EPHA5: variants seen among roughly 807,000 people sequenced by gnomAD.
EPHA5 encodes EPH receptor A5, also known as ephrin type-A receptor 5.
Under a neutral mutation model 105.0 loss-of-function variants are expected in EPHA5, and 60 were observed. That is an observed-to-expected ratio of 0.57 (90% CI 0.46 to 0.71). The LOEUF (loss-of-function observed/expected upper bound fraction) is 0.71, where lower values mean the gene tolerates loss of function less well. Ranked by LOEUF, EPHA5 falls within the 30% of genes least tolerant of loss-of-function variation. The pLI is 0.00. For synonymous variants in EPHA5, 513 were observed against 449.1 expected (o/e 1.14, Z -1.80); for missense variants, 1,218 against 1,274.7 (o/e 0.96, Z 0.68).
At chr4:65,626,035 A>G (rs1273201299) in intron 2 of EPHA5, among the ~76,000 whole-genome samples, 1 of 149,704 alleles carries the variant, frequency 6.7e-6, no homozygotes, top group Non-Finnish European at 1.5e-5. Context: ...CGGGAGGCGG[A>G]GCTTGCAGTG....
At chr4:65,327,529 T>C (rs1035173940) in intron 16 of EPHA5, among the ~76,000 whole-genome samples, 1 of 151,294 alleles carries the variant, frequency 6.6e-6, no homozygotes, top group Non-Finnish European at 1.5e-5. Context: ...GTTGTTTTTC[T>C]TTAAATCTGA....
chr4:65,490,014 T>G (rs1182251793), intron 5 of EPHA5, among the ~76,000 whole-genome samples: 1 of 152,170 alleles, frequency 6.6e-6, no homozygotes, highest in Non-Finnish European at 1.5e-5. Flanking sequence ...GCTAAATTAA[T>G]GAGTTTTTAA....
chr4:65,452,494 A>G (rs1442914701), intron 5 of EPHA5, among the ~76,000 whole-genome samples: 1 of 152,040 alleles, frequency 6.6e-6, no homozygotes, highest in Non-Finnish European at 1.5e-5. Context: ...AAGGACAGAG[A>G]AGGGTAGTTA....
intron 14 of EPHA5, among the ~76,000 whole-genome samples, chr4:65,346,574 G>A (rs1722245699): frequency 6.6e-6 from 1 of 151,674 alleles, no homozygotes; most frequent in African/African-American, 2.4e-5. Flanking sequence ...TAAGTTCTAG[G>A]ACTTCATGAC....
chr4:65,348,237 A>C (rs200264870), intron 13 of EPHA5, 34 bp from the exon 14 acceptor site: 1 of 1,587,186 alleles, frequency 6.3e-7, no homozygotes, highest in Non-Finnish European at 8.6e-7. Flanking sequence ...AACTTCCTAC[A>C]TACTTCAAAT....
intron 13 of EPHA5, among the ~76,000 whole-genome samples, chr4:65,348,758 T>C (rs1722504973): frequency 7.5e-6 from 1 of 133,070 alleles, no homozygotes; most frequent in South Asian, 2.4e-4. Flanking sequence ...CATATATATA[T>C]GTGTATATAT....
chr4:65,455,358 A>G (rs1203394692), intron 5 of EPHA5, among the ~76,000 whole-genome samples: 3 of 152,234 alleles, frequency 2.0e-5, no homozygotes, highest in Admixed American at 6.5e-5. Context: ...TCAATTTACT[A>G]GAGTGCACAC....
intron 3 of EPHA5, among the ~76,000 whole-genome samples, chr4:65,544,301 G>A (rs879935011): frequency 7.2e-5 from 11 of 151,994 alleles, no homozygotes; most frequent in Non-Finnish European, 1.5e-4. Flanking sequence ...CCTACAGAAT[G>A]GGAGAAAAGT....
chr4:65,456,787 T>C (rs531865415), intron 5 of EPHA5, among the ~76,000 whole-genome samples: 1 of 152,132 alleles, frequency 6.6e-6, no homozygotes, highest in Admixed American at 6.5e-5. Flanking sequence ...CCTATCCACT[T>C]TCCCAGAGGT....
chr4:65,371,709 A>G (rs1454605813), intron 8 of EPHA5, among the ~76,000 whole-genome samples: 1 of 152,042 alleles, frequency 6.6e-6, no homozygotes, highest in East Asian at 1.9e-4. Context: ...AAGTGAATAG[A>G]ATAGCCAAAA....
At chr4:65,364,014 C>T (rs1450636486) in intron 11 of EPHA5, among the ~76,000 whole-genome samples, 2 of 151,454 alleles carry the variant, frequency 1.3e-5, no homozygotes, top group Admixed American at 6.6e-5. Context: ...CTTTCTTTAG[C>T]AATTTACACT....
chr4:65,614,442 A>G (rs2149464348), intron 2 of EPHA5, among the ~76,000 whole-genome samples: 1 of 151,940 alleles, frequency 6.6e-6, no homozygotes, highest in African/African-American at 2.4e-5. Context: ...GAGCAAACTG[A>G]ACTCTTGATA....
At chr4:65,582,767 C>T (rs1178519513) in intron 3 of EPHA5, among the ~76,000 whole-genome samples, 1 of 151,418 alleles carries the variant, frequency 6.6e-6, no homozygotes, top group Non-Finnish European at 1.5e-5. Context: ...GAGAAAATTG[C>T]CAATTTACAT....
intron 2 of EPHA5, among the ~76,000 whole-genome samples, chr4:65,633,928 T>C (rs1746875310): frequency 6.6e-6 from 1 of 152,132 alleles, no homozygotes; most frequent in South Asian, 2.1e-4. Context: ...AAGTGATAAG[T>C]GTGGATAACA....
intron 5 of EPHA5, among the ~76,000 whole-genome samples, chr4:65,486,293 A>G (rs1362323516): frequency 1.4e-5 from 2 of 144,498 alleles, no homozygotes. Context: ...CCCTCTCTAT[A>G]TGAAGAGGGT....
Position 65,414,429 on chromosome 4 carries a change from G to T in EPHA5, c.1542C>A (p.Ser514Arg). The T allele has an allele frequency of 6.2e-7, 1 of 1,613,876 alleles. No individual in the cohort carries two copies. The highest frequency in any genetic ancestry group is 1.3e-5 in the African/African-American group (1 of 75,008). The change falls in exon 7 of 17, where the codon AGC (serine) becomes AGA (arginine). Residue 514 changes from serine (S) to arginine (R), a missense_variant. Ser to Arg is a moderately radical substitution (Grantham distance 110, BLOSUM62 -1). Transcript: ENST00000613740. ...TCTCTTTAGATTTGATAATCGTGTAGCTGGTCTCTTGGTCCTTGGGATGCG... is the reference window on the plus strand; with the variant it reads ...TCTCTTTAGATTTGATAATCGTGTATCTGGTCTCTTGGTCCTTGGGATGCG... ...IKYFEKDQET[S>R]YTIIKSKETT...
At chr4:65,663,370 G>C (rs774767029) in intron 1 of EPHA5, among the ~76,000 whole-genome samples, 2 of 152,018 alleles carry the variant, frequency 1.3e-5, no homozygotes, top group South Asian at 4.1e-4. Context: ...AGAACTCCAA[G>C]TGGGACACCT....
At chr4:65,332,237 T>C (rs1047518433) in intron 15 of EPHA5, 109 bp from the exon 16 acceptor site, 1 of 848,572 alleles carries the variant, frequency 1.2e-6, no homozygotes, top group Non-Finnish European at 1.7e-6. Flanking sequence ...TGTAAGTATA[T>C]TTATAGAGGA....
At chr4:65,573,898 C>A (rs184248190) in intron 3 of EPHA5, 25,716 of 1,611,280 alleles carry the variant, frequency 0.016, 223 homozygotes, top group Non-Finnish European at 0.019. Context: ...AGCATTACCC[C>A]CGGGACCATT....
Sources: gnomAD v4.1 joint callset for allele counts (sites outside exome capture counted in the v4.1 genomes callset) on GRCh38, gnomAD v4.1.1 for gene constraint, MANE v1.5 for transcripts, NCBI Gene and HGNC (gene_info 2026-07-23, HGNC 2026-07-21) for gene names.